FDX1: variants seen among roughly 807,000 people sequenced by gnomAD.
FDX1 encodes ferredoxin 1.
Under a neutral mutation model 14.9 loss-of-function variants are expected in FDX1, and 9 were observed. The ratio of observed to expected loss-of-function variants is 0.60; its 90% CI spans 0.36 to 1.05. FDX1 has a LOEUF of 1.05. FDX1 is among the 50% of genes least tolerant of loss of function. The probability of loss-of-function intolerance (pLI) is 0.01; values close to 1 mark genes in which losing one functional copy is unlikely to be tolerated. For missense variants in FDX1, 204 were observed against 237.2 expected (o/e 0.86, Z 0.92); for synonymous variants, 92 against 99.4 (o/e 0.93, Z 0.44).
Position 110,435,899 on chromosome 11 carries a change from A to G in FDX1, c.251A>G (p.Lys84Arg), listed in dbSNP as rs1565379624. ...GGTGAAACATTAACAACCAAAGGAAAAGTTGGTGATTCTCTGCTAGATGTT... is the reference window on the plus strand; with the variant it reads ...GGTGAAACATTAACAACCAAAGGAAGAGTTGGTGATTCTCTGCTAGATGTT... ...RDGETLTTKGKVGDSLLDVVV... is the reference protein window; with the variant it reads ...RDGETLTTKGRVGDSLLDVVV... Residue 84 changes from lysine to arginine, a missense_variant, in exon 2 of 4, where the codon AAA becomes AGA. Physicochemically the swap from Lys to Arg is conservative, Grantham distance 26. Transcript: ENST00000260270. 6.2e-7 allele frequency: 1 copy of G among 1,612,412 alleles called. No individual in the cohort carries two copies. Among genetic ancestry groups the G allele is most frequent in the Non-Finnish European group, 8.5e-7 (1 of 1,178,744 alleles).
chr11:110,434,740 T>C (rs1418411955), intron 1 of FDX1, among the ~76,000 whole-genome samples: 1 of 140,552 alleles, frequency 7.1e-6, no homozygotes, highest in African/African-American at 2.9e-5. Context: ...TTTTTTTTTT[T>C]TTTTTTTTGA....
chr11:110,438,511 C>T (rs1189376154), intron 2 of FDX1, among the ~76,000 whole-genome samples: 3 of 152,040 alleles, frequency 2.0e-5, no homozygotes, highest in Non-Finnish European at 2.9e-5. Flanking sequence ...CTGCAACCTT[C>T]GCCTCCCAAG....
chr11:110,434,706 C>T (rs1946356138), intron 1 of FDX1, among the ~76,000 whole-genome samples: 1 of 144,646 alleles, frequency 6.9e-6, no homozygotes, highest in South Asian at 2.3e-4. Flanking sequence ...TTTCAGAGAG[C>T]TGTGTGATGA....
intron 3 of FDX1, among the ~76,000 whole-genome samples, chr11:110,461,514 AAAG>A (rs1405186394): frequency 5.3e-5 from 8 of 151,024 alleles, no homozygotes; most frequent in South Asian, 2.1e-4. Context: ...AAAAAAAAAA[AAAG>A]AAGGAAAATA....
chr11:110,447,024 A>C (rs1009248512), intron 2 of FDX1, among the ~76,000 whole-genome samples: 1 of 151,846 alleles, frequency 6.6e-6, no homozygotes, highest in African/African-American at 2.4e-5. Context: ...AAAATACAAA[A>C]ATTAGCCAGG....
chr11:110,457,645 T>G (rs2134692827), intron 3 of FDX1, among the ~76,000 whole-genome samples: 1 of 152,306 alleles, frequency 6.6e-6, no homozygotes, highest in Non-Finnish European at 1.5e-5. Context: ...GCTGATATAC[T>G]ATTTCAAGGG....
chr11:110,433,980 C>T (rs1946349670), intron 1 of FDX1, among the ~76,000 whole-genome samples: 1 of 152,118 alleles, frequency 6.6e-6, no homozygotes, highest in Admixed American at 6.5e-5. Flanking sequence ...AATAACAACT[C>T]ATTATTTTAA....
chr11:110,434,674 C>G (rs570195615), intron 1 of FDX1, among the ~76,000 whole-genome samples: 1 of 140,650 alleles, frequency 7.1e-6, no homozygotes, highest in East Asian at 2.1e-4. Flanking sequence ...CTGGTCTAGT[C>G]TTTTATGGAC....
At chr11:110,430,571 G>T (rs983218890) in intron 1 of FDX1, among the ~76,000 whole-genome samples, 5 of 152,234 alleles carry the variant, frequency 3.3e-5, no homozygotes, top group Admixed American at 6.5e-5. Context: ...TGGACGCCCA[G>T]CTCCCTTTCC....
At chr11:110,450,209 G>T (rs1383002104) in intron 2 of FDX1, among the ~76,000 whole-genome samples, 1 of 152,064 alleles carries the variant, frequency 6.6e-6, no homozygotes, top group Non-Finnish European at 1.5e-5. Flanking sequence ...ATCATATAAT[G>T]AAATAATTAT....
chr11:110,443,747 C>CA (rs1565381482), intron 2 of FDX1, among the ~76,000 whole-genome samples: 2 of 151,940 alleles, frequency 1.3e-5, no homozygotes, highest in Non-Finnish European at 2.9e-5. Context: ...CCTTGGCCAA[C>CA]AGCTAATGCC....
chr11:110,444,652 ATATATATATATACG>A lies in FDX1; in HGVS notation c.310+8707_310+8720del, dbSNP rs1444773554. On this transcript the variant is annotated intron_variant, in intron 2 of 3. Coordinates refer to ENST00000260270, the MANE Select transcript of FDX1 (RefSeq NM_004109.5). ...AATATATGTGTGTGTGTGTGTGTGT[ATATATATATATACG>A]TATATATATATATATATACACGTAT... Among the ~76,000 whole-genome samples the A allele has an allele frequency of 6.3e-4, 51 of 81,418 alleles. 1 individual carries two copies. The highest frequency in any genetic ancestry group is 5.3e-3 in the Middle Eastern group (1 of 188). The allele number at this position is 81,418 out of a possible 152,430, so 53.4% of individuals were successfully genotyped here.
intron 3 of FDX1, among the ~76,000 whole-genome samples, chr11:110,459,180 G>T (rs527832484): frequency 6.6e-6 from 1 of 151,894 alleles, no homozygotes; most frequent in East Asian, 1.9e-4. Context: ...CAGTTTGCAT[G>T]GGTAATCTAC....
intron 2 of FDX1, among the ~76,000 whole-genome samples, chr11:110,444,690 A>ATATATATATACGTG (rs1946432392): frequency 5.5e-5 from 3 of 54,980 alleles, no homozygotes; most frequent in African/African-American, 3.2e-4. Context: ...ATATACACGT[A>ATATATATATACGTG]TATATATATA....
intron 2 of FDX1, among the ~76,000 whole-genome samples, chr11:110,442,849 A>G (rs1946413402): frequency 6.6e-6 from 1 of 152,200 alleles, no homozygotes; most frequent in South Asian, 2.1e-4. Context: ...TCCAGACCTC[A>G]TCTTGAATTC....
chr11:110,444,653 T>TATATATATATATAC (rs1565381724), intron 2 of FDX1, among the ~76,000 whole-genome samples: 16 of 81,996 alleles, frequency 2.0e-4, no homozygotes, highest in African/African-American at 9.8e-4. Flanking sequence ...TGTGTGTGTA[T>TATATATATATATAC]ATATATATAT....
intron 2 of FDX1, among the ~76,000 whole-genome samples, chr11:110,452,880 A>AT (rs1249230334): frequency 2.0e-5 from 3 of 152,212 alleles, no homozygotes; most frequent in African/African-American, 7.2e-5. Flanking sequence ...GGAAAAGACT[A>AT]AACCACAGTG....
At chr11:110,446,791 G>C (rs201392304) in intron 2 of FDX1, among the ~76,000 whole-genome samples, 1 of 152,226 alleles carries the variant, frequency 6.6e-6, no homozygotes, top group African/African-American at 2.4e-5. Context: ...GCCACTGGGC[G>C]CCTGGAGCTG....
At position 110,457,003 on chromosome 11, in the gene FDX1, TGAG is replaced by T; in HGVS notation, c.400_402del (p.Glu134del). The T allele has an allele frequency of 6.2e-7, 1 of 1,613,726 alleles. No individual in the cohort carries two copies. Among genetic ancestry groups the T allele is most frequent in the Non-Finnish European group, 8.5e-7 (1 of 1,179,712 alleles). On this transcript the variant is annotated inframe_deletion, in exon 3 of 4. Transcript: ENST00000260270. ...ATGAGAAGTTAGATGCAATCACTGA[TGAG>T]GAGAATGACATGCTCGATCTGGCAT...
Sources: allele counts gnomAD v4.1 joint callset (sites outside exome capture counted in the v4.1 genomes callset), GRCh38; gene constraint gnomAD v4.1.1; transcripts MANE v1.5; gene names NCBI Gene and HGNC (gene_info 2026-07-23, HGNC 2026-07-21).